FOXP2: variants seen among roughly 807,000 people sequenced by gnomAD.
FOXP2 encodes forkhead box protein P2.
A neutral mutation model predicts 115.8 loss-of-function variants in FOXP2; 12 were observed. That is an observed-to-expected ratio of 0.10 (90% confidence interval 0.07 to 0.17). The LOEUF is 0.17. FOXP2 is among the 10% of genes least tolerant of loss of function. FOXP2 has a pLI of 1.00. For missense variants in FOXP2, 629 were observed against 843.5 expected (o/e 0.75, Z 3.15); for synonymous variants, 328 against 297.7 (o/e 1.10, Z -1.05).
At chr7:114,614,195 C>T (rs776386925) in intron 3 of FOXP2, among the ~76,000 whole-genome samples, 15 of 152,182 alleles carry the variant, frequency 9.9e-5, no homozygotes, top group Non-Finnish European at 2.2e-4. Flanking sequence ...CATAAGCTAG[C>T]ATCTACTTTC....
intron 1 of FOXP2, among the ~76,000 whole-genome samples, chr7:114,139,612 A>G (rs1792147434): frequency 6.6e-6 from 1 of 152,176 alleles, no homozygotes; most frequent in African/African-American, 2.4e-5. Context: ...CTCCACCAAT[A>G]TACTTTAGTC....
At chr7:114,416,712 A>G (rs1793362780) in intron 1 of FOXP2, among the ~76,000 whole-genome samples, 1 of 151,966 alleles carries the variant, frequency 6.6e-6, no homozygotes, top group Non-Finnish European at 1.5e-5. Flanking sequence ...ATTTGTCTTT[A>G]CAGTCAGCCC....
chr7:114,634,081 G>A (rs1489525177), intron 6 of FOXP2, among the ~76,000 whole-genome samples: 4 of 151,516 alleles, frequency 2.6e-5, no homozygotes, highest in Admixed American at 6.6e-5. Context: ...TGCAACCTCC[G>A]CCTTCCCGGG....
In FOXP2 at chr7:114,297,412, G is replaced by A. The variant is rs1796767101; in HGVS notation, c.-11+9303G>A. The A allele has an allele frequency of 8.3e-6, 5 of 603,224 alleles. No homozygotes were observed. The East Asian group carries it at 2.1e-4, about 25-fold the overall frequency. The allele number at this position is 603,224 out of a possible 1,614,324, so 37.4% of individuals were successfully genotyped here. A position where few individuals can be genotyped will look rare whatever the true frequency, so the allele number is the denominator to read the frequency against. On this transcript the variant is annotated intron_variant, in intron 2 of 17. Coordinates refer to the FOXP2 transcript ENST00000634411. ...CCCTTGTTGAGGCCCACTGTCATAGGGGTAGCCCAGAGCCATGGCTGCTGC... is the reference window on the plus strand; with the variant it reads ...CCCTTGTTGAGGCCCACTGTCATAGAGGTAGCCCAGAGCCATGGCTGCTGC...
At chr7:114,256,484 C>G (rs897899669) in intron 1 of FOXP2, among the ~76,000 whole-genome samples, 5 of 152,092 alleles carry the variant, frequency 3.3e-5, no homozygotes, top group African/African-American at 1.2e-4. Flanking sequence ...TGTTTGTTGG[C>G]TGCAAAAATG....
intron 2 of FOXP2, among the ~76,000 whole-genome samples, chr7:114,504,348 G>A (rs928297512): frequency 2.0e-5 from 3 of 151,538 alleles, no homozygotes; most frequent in East Asian, 1.9e-4. Context: ...TCTCAAGAGA[G>A]TGTTGAGCCA....
intron 2 of FOXP2, among the ~76,000 whole-genome samples, chr7:114,369,717 C>T (rs1452459573): frequency 2.0e-5 from 3 of 151,990 alleles, no homozygotes; most frequent in Admixed American, 2.0e-4. Flanking sequence ...AATTTTGAAT[C>T]CCTTTGTTTA....
chr7:114,607,103 C>G (rs958527338), intron 3 of FOXP2, among the ~76,000 whole-genome samples: 1 of 152,100 alleles, frequency 6.6e-6, no homozygotes, highest in Admixed American at 6.5e-5. Flanking sequence ...TCCAGCAGAG[C>G]TACACTAGAT....
chr7:114,257,224 G>A (rs1049717038), intron 1 of FOXP2, among the ~76,000 whole-genome samples: 7 of 152,076 alleles, frequency 4.6e-5, no homozygotes, highest in African/African-American at 1.7e-4. Context: ...AATGGTGCTG[G>A]GAGAACTGGC....
intron 2 of FOXP2, among the ~76,000 whole-genome samples, chr7:114,407,855 C>A (rs1168053364): frequency 6.6e-6 from 1 of 152,090 alleles, no homozygotes; most frequent in Non-Finnish European, 1.5e-5. Context: ...CAAGAACCAG[C>A]ATTCTAGCAT....
At chr7:114,566,846 A>T (rs1801049290) in intron 3 of FOXP2, among the ~76,000 whole-genome samples, 1 of 151,950 alleles carries the variant, frequency 6.6e-6, no homozygotes, top group Non-Finnish European at 1.5e-5. Context: ...AAATATTTTC[A>T]TTTGTTAGGA....
chr7:114,302,550 C>T (rs1234546322), intron 2 of FOXP2, among the ~76,000 whole-genome samples: 1 of 152,026 alleles, frequency 6.6e-6, no homozygotes, highest in East Asian at 1.9e-4. Context: ...TAAACTTAAG[C>T]AGTTTGGTTT....
intron 1 of FOXP2, among the ~76,000 whole-genome samples, chr7:114,222,846 T>C (rs1794658035): frequency 6.6e-6 from 1 of 152,162 alleles, no homozygotes. Context: ...CATGAGATAA[T>C]GTAATCTTTT....
intron 16 of FOXP2, among the ~76,000 whole-genome samples, chr7:114,677,080 C>T (rs1008377017): frequency 1.3e-4 from 20 of 151,432 alleles, no homozygotes; most frequent in Admixed American, 2.6e-4. Context: ...GCAGGAGAAT[C>T]GCTTGAACCC....
At chr7:114,118,865 A>G (rs1394760255) in intron 1 of FOXP2, among the ~76,000 whole-genome samples, 4 of 152,082 alleles carry the variant, frequency 2.6e-5, no homozygotes, top group Admixed American at 1.3e-4. Flanking sequence ...TGGATGATGG[A>G]GAGAGGAGAG....
chr7:114,439,860 C>T (rs1794524331), intron 2 of FOXP2, among the ~76,000 whole-genome samples: 1 of 152,046 alleles, frequency 6.6e-6, no homozygotes, highest in Non-Finnish European at 1.5e-5. Flanking sequence ...AGACATAAAC[C>T]ACCACACCTG....
rs915879314 is a variant in FOXP2 at position 114,664,283 on chromosome 7, C to T, written c.1850C>T (p.Ala617Val). ...TCTTCATTTCACTAGGCTGCCTTGGCAGAGAGCAGTTTACCTTTGCTAAGT... is the reference window on the plus strand; with the variant it reads ...TCTTCATTTCACTAGGCTGCCTTGGTAGAGAGCAGTTTACCTTTGCTAAGT... Reference protein sequence around the residue: ...ALNASLQAALAESSLPLLSNP... With the variant: ...ALNASLQAALVESSLPLLSNP... The change falls in exon 16 of 17, where the codon GCA (alanine) becomes GTA (valine). Residue 617 changes from alanine (A) to valine (V), a missense_variant. By Grantham distance (64) the Ala-to-Val change is moderately conservative. Transcript: ENST00000350908. The T allele has an allele frequency of 6.2e-7, 1 of 1,613,100 alleles. No individual in the cohort carries two copies. Among genetic ancestry groups the T allele is most frequent in the Non-Finnish European group, 8.5e-7 (1 of 1,179,602 alleles).
intron 1 of FOXP2, among the ~76,000 whole-genome samples, chr7:114,185,899 A>G (rs1303934886): frequency 2.6e-5 from 4 of 152,170 alleles, no homozygotes; most frequent in Non-Finnish European, 5.9e-5. Context: ...TTATTGATTC[A>G]CAATTCTGGA....
chr7:114,279,373 A>ATTGTCAG (rs1796271763), intron 1 of FOXP2, among the ~76,000 whole-genome samples: 1 of 152,184 alleles, frequency 6.6e-6, no homozygotes, highest in African/African-American at 2.4e-5. Flanking sequence ...GTTGTTCAGA[A>ATTGTCAG]TTGTCAGAGT....
Sources: gnomAD v4.1 joint callset for allele counts (sites outside exome capture counted in the v4.1 genomes callset) on GRCh38, gnomAD v4.1.1 for gene constraint, MANE v1.5 for transcripts, NCBI Gene and HGNC (gene_info 2026-07-23, HGNC 2026-07-21) for gene names.